The following TTN variants were observed in gnomAD, a reference collection of about 807,000 sequenced individuals.
TTN encodes the protein titin, also known as connectin.
TTN carries 1,525 observed loss-of-function variants against 3,223.0 expected under a neutral mutation model. That is an observed-to-expected ratio of 0.47 (90% CI 0.45 to 0.49). TTN has a LOEUF of 0.49. Ranked by LOEUF, TTN falls within the 20% of genes least tolerant of loss-of-function variation. TTN has a pLI of 0.00. For missense variants in TTN, 40,786 were observed against 43,424.0 expected, an observed-to-expected ratio of 0.94 and a Z score of 5.40; for synonymous variants, 14,094 against 15,161.0, an observed-to-expected ratio of 0.93 and a Z score of 5.17.
chr2:178,765,485 C>T (rs918014454), intron 41 of TTN, among the ~76,000 whole-genome samples: 1 of 152,168 alleles, frequency 6.6e-6, no homozygotes, highest in East Asian at 1.9e-4. Context: ...GTTTCTGACA[C>T]TATCATAGAA....
At position 178,775,943 on chromosome 2, in the gene TTN, T is replaced by G; in HGVS notation, c.5921A>C (p.Lys1974Thr). 6.2e-7 allele frequency: 1 copy of G among 1,614,168 alleles called. No homozygotes were observed. The highest frequency in any genetic ancestry group is 1.1e-5 in the South Asian group (1 of 91,086). ...AGCCCTTTTCAACTTCACAACTTCT[T>G]TGGTTTCAGTGGTGTCAACAGGTCT... ...VDRPVDTTET[K>T]EVVKLKRAER... Residue 1974 changes from lysine (K) to threonine (T), a missense_variant, in exon 28 of 363, where the codon AAA becomes ACA. Physicochemically the swap from Lys to Thr is moderately conservative, Grantham distance 78 (BLOSUM62 -1). Transcript: ENST00000589042.
rs374213553 is a variant in TTN, at chr2:178,622,736, G to A, written c.44847C>T (p.Thr14949=). The A allele has an allele frequency of 1.0e-5, 16 of 1,604,960 alleles. No homozygotes were observed. Among genetic ancestry groups the A allele is most frequent in the African/African-American group, 2.7e-5 (2 of 74,676 alleles). The part of the protein sequence containing the change: ...PPHVEFLRPL[T]DLQVREKEMA... ...TTTCTTTTTCTCTAACTTGAAGGTC[G>A]GTGAGTGGTCTTAAGAATTCCACAT... Residue 14949 remains threonine (T), a synonymous_variant, in exon 243 of 363, where the codon ACC becomes ACT. Transcript: ENST00000589042.
In TTN at chr2:178,580,296, A is replaced by G. The variant is rs774285490; in HGVS notation, c.67057+26T>C. On this transcript the variant is annotated intron_variant, in intron 317 of 362. Coordinates refer to ENST00000589042, the MANE Select transcript of TTN (RefSeq NM_001267550.2). ...ATACATAAGCTATTTTAAAATATATATGATTCTTTTTTGAAATAGACTTAC... is the reference window on the plus strand; with the variant it reads ...ATACATAAGCTATTTTAAAATATATGTGATTCTTTTTTGAAATAGACTTAC... 8.1e-6 allele frequency: 13 copies of G among 1,606,276 alleles called. No homozygotes were observed. The African/African-American group carries it at 1.7e-4, about 22-fold the overall frequency.
chr2:178,720,430 T>C lies in TTN; in HGVS notation c.23332A>G (p.Asn7778Asp), dbSNP rs2078170998. The C allele has an allele frequency of 1.2e-6, 2 of 1,613,644 alleles. No homozygotes were observed. The highest frequency in any genetic ancestry group is 4.5e-5 in the East Asian group (2 of 44,876). ...GAACACGTGTCACTTCCCACCTCATTAGTAGCTTTGCAGTGATATTCCCCG... is the reference window on the plus strand; with the variant it reads ...GAACACGTGTCACTTCCCACCTCATCAGTAGCTTTGCAGTGATATTCCCCG... ...DVGEYHCKAT[N>D]EVGSDTCSCS... is the part of the protein sequence containing the mutation. The change falls in exon 80 of 363, where the codon AAT becomes GAT. Residue 7778 changes from asparagine to aspartate, a missense_variant. Asn to Asp is a conservative substitution (Grantham distance 23). Coordinates refer to ENST00000589042, the MANE Select transcript of TTN (RefSeq NM_001267550.2).
chr2:178,602,345 T>G lies in TTN; in HGVS notation c.55057A>C (p.Asn18353His). ...RKYRFRVKAV[N>H]EAGESEPSDT... ...CTTGGTTCAGATTCACCAGCTTCAT[T>G]GACAGCTTTCACTCTGAATCTGTAC... Residue 18353 changes from asparagine to histidine, a missense_variant, in exon 283 of 363, where the codon AAT becomes CAT. Coordinates refer to ENST00000589042, the MANE Select transcript of TTN (RefSeq NM_001267550.2). 1 of 1,612,960 alleles carries G rather than the reference T, an allele frequency of 6.2e-7. No individual in the cohort carries two copies. Among genetic ancestry groups the G allele is most frequent in the African/African-American group, 1.3e-5 (1 of 74,982 alleles).
Position 178,734,515 on chromosome 2 carries a change from T to A in TTN, c.15309A>T (p.Pro5103=). Residue 5103 remains proline (P), a synonymous_variant, in exon 52 of 363, where the codon CCA becomes CCT. Transcript: ENST00000589042. ...TGTCTTTGAACCAGCTAATTTCAAA[T>A]GGTCCAGTGCCTGAGACTTCACACT... ...LLQCEVSGTG[P]FEISWFKDKK... 1 of 1,613,654 alleles carries A rather than the reference T, an allele frequency of 6.2e-7. No individual in the cohort carries two copies. The highest frequency in any genetic ancestry group is 2.2e-5 in the East Asian group (1 of 44,866).
chr2:178,741,416 G>A lies in TTN; in HGVS notation c.11817C>T (p.His3939=). The part of the protein sequence containing the change: ...LEKLGGPCPP[H]FLKELKPIRC... ...GAATTGGTTTTAACTCCTTAAGGAA[G>A]TGAGGAGGACAAGGACCTCCCAGCT... The change falls in exon 48 of 363, where the codon CAC becomes CAT. Residue 3939 remains histidine (H), a synonymous_variant. Transcript: ENST00000589042. The A allele has an allele frequency of 6.2e-7, 1 of 1,613,892 alleles. No individual in the cohort carries two copies. Among genetic ancestry groups the A allele is most frequent in the East Asian group, 2.2e-5 (1 of 44,878 alleles).
chr2:178,569,894 T>C lies in TTN; in HGVS notation c.76238A>G (p.Lys25413Arg), dbSNP rs367696053. Residue 25413 changes from lysine (K) to arginine (R), a missense_variant, in exon 326 of 363, where the codon AAA (lysine) becomes AGA (arginine). Coordinates refer to ENST00000589042, the MANE Select transcript of TTN (RefSeq NM_001267550.2). The stretch of plus-strand genomic sequence containing the variant: ...TGAAGATCTGGTTATGTCTATGACT[T>C]TGGGGTTGTTTGGGGGTCCTGGTTT... ...IYKPGPPNNPKVIDITRSSVF... is the reference protein window; with the variant it reads ...IYKPGPPNNPRVIDITRSSVF... 1.9e-6 allele frequency: 3 copies of C among 1,613,422 alleles called. No homozygotes were observed. Among genetic ancestry groups the C allele is most frequent in the Non-Finnish European group, 2.5e-6 (3 of 1,179,608 alleles).
At position 178,632,652 on chromosome 2, in the gene TTN, T is replaced by C. The variant is rs367791276; in HGVS notation, c.43354A>G (p.Arg14452Gly). 1 of 1,613,406 alleles carries C rather than the reference T, an allele frequency of 6.2e-7. No individual in the cohort carries two copies. Among genetic ancestry groups the C allele is most frequent in the African/African-American group, 1.3e-5 (1 of 74,892 alleles). The part of the protein sequence containing the change: ...KGTQEITGDD[R>G]FELIKDGTKH... ...GTGCCATCCTTTATAAGCTCAAATC[T>C]GTCATCACCTGTGATTTCCTGGGTT... The change falls in exon 235 of 363, where the codon AGA becomes GGA. Residue 14452 changes from arginine to glycine, a missense_variant. Transcript: ENST00000589042.
At position 178,562,697 on chromosome 2, in the gene TTN, G is replaced by T; in HGVS notation, c.83435C>A (p.Ala27812Asp). The T allele has an allele frequency of 6.3e-7, 1 of 1,596,168 alleles. No homozygotes were observed. Among genetic ancestry groups the T allele is most frequent in the Non-Finnish European group, 8.5e-7 (1 of 1,172,560 alleles). The change falls in exon 326 of 363, where the codon GCC (alanine) becomes GAC (aspartate). Residue 27812 changes from alanine to aspartate, a missense_variant. Transcript: ENST00000589042. ...IVEKRETTRK[A>D]YATITNNCTK... Reference sequence around the variant, plus strand: ...GCAATTATTTGTAATGGTAGCATAGGCTTTTCTTGTAGTTTCTCGTTTTTC... The same window carrying T: ...GCAATTATTTGTAATGGTAGCATAGTCTTTTCTTGTAGTTTCTCGTTTTTC...
chr2:178,634,955 A>G lies in TTN; in HGVS notation c.42025-106T>C, dbSNP rs1439321662. Reference sequence around the variant, plus strand: ...GAGTTTTAAAAATTACTACTAATAAAAGTAAGCAGAGAATTCCCTGTCATA... The same window carrying G: ...GAGTTTTAAAAATTACTACTAATAAGAGTAAGCAGAGAATTCCCTGTCATA... On this transcript the variant is annotated intron_variant, in intron 228 of 362. Transcript: ENST00000589042. This position sits in a 1 kb window ranked among gnomAD's most constrained non-coding sequence, Gnocchi z 4.6. 1.4e-6 allele frequency: 2 copies of G among 1,399,860 alleles called. No homozygotes were observed. Among genetic ancestry groups the G allele is most frequent in the Middle Eastern group, 2.5e-4 (1 of 4,028 alleles). The allele number at this position is 1,399,860 out of a possible 1,614,324, so 86.7% of individuals were successfully genotyped here. A position where few individuals can be genotyped will look rare whatever the true frequency, so the allele number is the denominator to read the frequency against.
At position 178,720,840 on chromosome 2, in the gene TTN, CT is replaced by C; in HGVS notation, c.23098+80del. 3 of 1,465,330 alleles carry C rather than the reference CT, an allele frequency of 2.0e-6. No homozygotes were observed. The South Asian group carries it at 4.5e-5, about 22-fold the overall frequency. The allele number at this position is 1,465,330 out of a possible 1,614,324, so 90.8% of individuals were successfully genotyped here. A position where few individuals can be genotyped will look rare whatever the true frequency, so the allele number is the denominator to read the frequency against. On this transcript the variant is annotated intron_variant, in intron 79 of 362. Transcript: ENST00000589042. ...TTGCAACCAAATAACCTTAATTATC[CT>C]TTTATTTTGGAACTCATAACTTTGC...
chr2:178,794,461 C>T lies in TTN; in HGVS notation c.1336G>A (p.Val446Ile), dbSNP rs773239872. The T allele has an allele frequency of 6.2e-7, 1 of 1,614,200 alleles. No individual in the cohort carries two copies. Among genetic ancestry groups the T allele is most frequent in the Non-Finnish European group, 8.5e-7 (1 of 1,180,014 alleles). Reference protein sequence around the residue: ...ARVREPVISAVEQTAQRTTTT... With the variant: ...ARVREPVISAIEQTAQRTTTT... ...GTTGTCCTCTGAGCAGTCTGCTCTA[C>T]AGCGCTGATCACTGGTTCTCTCACT... The change falls in exon 8 of 363, where the codon GTA becomes ATA. Residue 446 changes from valine to isoleucine, a missense_variant. Transcript: ENST00000589042.
At chr2:178,606,259 T>C (rs1425293610) in intron 278 of TTN, among the ~76,000 whole-genome samples, 5 of 152,000 alleles carry the variant, frequency 3.3e-5, no homozygotes, top group African/African-American at 4.8e-5. Context: ...TCCATACTTG[T>C]TGACTGTTAT....
intron 90 of TTN, among the ~76,000 whole-genome samples, 196 bp from the exon 91 acceptor site, chr2:178,714,769 T>C (rs1263759959): frequency 6.6e-6 from 1 of 152,160 alleles, no homozygotes; most frequent in African/African-American, 2.4e-5. Context: ...ACTCCAGCTT[T>C]CTTAATCCAA....
rs547496340 is a variant in TTN at position 178,793,418 on chromosome 2, C to G, written c.1522G>C (p.Val508Leu). 1.9e-6 allele frequency: 3 copies of G among 1,614,124 alleles called. No individual in the cohort carries two copies. The highest frequency in any genetic ancestry group is 2.7e-5 in the African/African-American group (2 of 75,030). The change falls in exon 9 of 363, where the codon GTA (valine) becomes CTA (leucine). Residue 508 changes from valine (V) to leucine (L), a missense_variant. Val to Leu is a conservative substitution (Grantham distance 32). Transcript: ENST00000589042. ...VITTKQEQMH[V>L]THEQIRKETE... ...CCCATTTTCACCTGCTCATGAGTTACGTGCATCTGCTCTTGCTTTGTGGTA... is the reference window on the plus strand; with the variant it reads ...CCCATTTTCACCTGCTCATGAGTTAGGTGCATCTGCTCTTGCTTTGTGGTA...
chr2:178,555,723 C>T (rs1331925170), intron 330 of TTN: 1 of 152,650 alleles, frequency 6.6e-6, no homozygotes, highest in Admixed American at 6.5e-5. Context: ...AAGCCTGATT[C>T]ATAAATAATG....
chr2:178,652,550 A>G lies in TTN; in HGVS notation c.39044-9T>C, dbSNP rs184888200. 6.2e-7 allele frequency: 1 copy of G among 1,613,006 alleles called. No individual in the cohort carries two copies. The highest frequency in any genetic ancestry group is 1.7e-5 in the Admixed American group (1 of 59,882). ...TTTCGGAGCCTCTGGCACTTAAAAG[A>G]TATTAGTGAAATTACATTTAGAAGT... On this transcript the variant is annotated splice_polypyrimidine_tract_variant and intron_variant, in intron 201 of 362. Coordinates refer to ENST00000589042, the MANE Select transcript of TTN (RefSeq NM_001267550.2).
At chr2:178,692,439 A>G in intron 120 of TTN, 58 bp downstream of exon 120, 2 of 1,434,090 alleles carry the variant, frequency 1.4e-6, no homozygotes, top group Non-Finnish European at 1.9e-6. Flanking sequence ...CACAGATCTT[A>G]TAGAAAAAGA....
Sources: allele counts gnomAD v4.1 joint callset (sites outside exome capture counted in the v4.1 genomes callset), GRCh38; gene constraint gnomAD v4.1.1; non-coding constraint Gnocchi (gnomAD v3.1); transcripts MANE v1.5; gene names NCBI Gene and HGNC (gene_info 2026-07-23, HGNC 2026-07-21).